ZFHX3: variants seen among roughly 807,000 people sequenced by gnomAD.
ZFHX3 encodes the protein zinc finger homeobox protein 3.
Under a neutral mutation model 279.1 loss-of-function variants are expected in ZFHX3, and 42 were observed. The observed-to-expected ratio is 0.15, with a 90% CI of 0.12 to 0.19. The LOEUF (loss-of-function observed/expected upper bound fraction) is 0.19, where lower values mean the gene tolerates loss of function less well. Ranked by LOEUF, ZFHX3 falls within the 10% of genes least tolerant of loss-of-function variation. ZFHX3 has a pLI of 1.00. For synonymous variants in ZFHX3, 2,293 were observed against 1,957.8 expected (o/e 1.17, Z -4.52); for missense variants, 4,981 against 4,754.0 (o/e 1.05, Z -1.40).
At chr16:72,843,153 G>C (rs1408905828) in intron 4 of ZFHX3, among the ~76,000 whole-genome samples, 4 of 152,082 alleles carry the variant, frequency 2.6e-5, no homozygotes, top group African/African-American at 9.7e-5. Flanking sequence ...TGGGGGAGCT[G>C]ACCACAAGTA....
intron 1 of ZFHX3, among the ~76,000 whole-genome samples, chr16:73,008,768 G>A (rs1963805305): frequency 6.6e-6 from 1 of 152,160 alleles, no homozygotes; most frequent in Non-Finnish European, 1.5e-5. Context: ...ATGAAATTTA[G>A]AGATGGCTTC....
At chr16:73,786,890 T>C (rs571477083) in intron 1 of ZFHX3, among the ~76,000 whole-genome samples, 55 of 152,332 alleles carry the variant, frequency 3.6e-4, no homozygotes, top group African/African-American at 1.2e-3. Context: ...GAGCCTCCAA[T>C]AGCTGAGGTT....
intron 4 of ZFHX3, among the ~76,000 whole-genome samples, chr16:72,879,614 T>C (rs6499592): frequency 0.97 from 148,138 of 152,188 alleles, 72,473 homozygotes; most frequent in Middle Eastern, 1. Flanking sequence ...TTAGTAGAGG[T>C]GGGGTTTCAT....
At chr16:73,168,944 C>G (rs572340267) in intron 5 of ZFHX3, among the ~76,000 whole-genome samples, 54 of 152,332 alleles carry the variant, frequency 3.5e-4, no homozygotes, top group African/African-American at 1.3e-3. Flanking sequence ...TCTGAAAATG[C>G]ATTTTCTCCC....
At chr16:72,896,072 G>A (rs2038892262) in intron 3 of ZFHX3, among the ~76,000 whole-genome samples, 1 of 152,174 alleles carries the variant, frequency 6.6e-6, no homozygotes. Flanking sequence ...ATAAATGGGA[G>A]CAGAAAAAGA....
At chr16:73,309,403 A>C (rs925197782) in intron 4 of ZFHX3, among the ~76,000 whole-genome samples, 7 of 152,208 alleles carry the variant, frequency 4.6e-5, no homozygotes, top group African/African-American at 1.7e-4. Context: ...TGCAAAGGCC[A>C]TAATCTCATT....
At chr16:72,956,551 A>G (rs528988237) in intron 2 of ZFHX3, among the ~76,000 whole-genome samples, 42 of 152,246 alleles carry the variant, frequency 2.8e-4, no homozygotes, top group African/African-American at 8.4e-4. Flanking sequence ...CCCAAATCCT[A>G]CACTCTTGGT....
intron 2 of ZFHX3, among the ~76,000 whole-genome samples, chr16:73,663,083 A>G (rs1229811101): frequency 1.3e-5 from 2 of 152,246 alleles, no homozygotes; most frequent in East Asian, 3.8e-4. Flanking sequence ...AAAATAAAAA[A>G]GAAAAGAGGT....
intron 4 of ZFHX3, among the ~76,000 whole-genome samples, chr16:73,271,050 C>T (rs1314130602): frequency 1.3e-5 from 2 of 152,110 alleles, no homozygotes; most frequent in South Asian, 2.1e-4. Flanking sequence ...TGGATCTGCC[C>T]CTGCTGGATG....
At chr16:73,051,403 G>A (rs1965447697), upstream of ZFHX3, among the ~76,000 whole-genome samples, 1 of 152,152 alleles carries the variant, frequency 6.6e-6, no homozygotes, top group African/African-American at 2.4e-5. Context: ...CCTGGGTATG[G>A]AACAGAATGC....
At chr16:73,421,017 G>A (rs921376716) in intron 3 of ZFHX3, 9 of 152,160 alleles carry the variant, frequency 5.9e-5, no homozygotes, top group Non-Finnish European at 1.0e-4. Flanking sequence ...GAACAAGCTT[G>A]TGTGTGATAT....
chr16:72,784,546 TA>T lies in ZFHX3; in HGVS notation c.*2617del, dbSNP rs2143217564. On this transcript the variant is annotated 3_prime_UTR_variant, in exon 10 of 10. Coordinates refer to ENST00000268489, the MANE Select transcript of ZFHX3 (RefSeq NM_006885.4). ...CATACAACAGTTAAATGGCAAAAAATATATATATATATATTTCATAGAGTTA... is the reference window on the plus strand; with the variant it reads ...CATACAACAGTTAAATGGCAAAAAATTATATATATATATTTCATAGAGTTA... 6.7e-6 allele frequency: 1 copy of T among 150,080 alleles called. No individual in the cohort carries two copies. Among genetic ancestry groups the T allele is most frequent in the East Asian group, 1.9e-4 (1 of 5,164 alleles). 9.3% of individuals were successfully genotyped at this position (150,080 alleles called of 1,614,324 possible). A position where few individuals can be genotyped will look rare whatever the true frequency, so the allele number is the denominator to read the frequency against.
chr16:73,491,892 G>T (rs1041917504), intron 2 of ZFHX3, among the ~76,000 whole-genome samples: 2 of 152,116 alleles, frequency 1.3e-5, no homozygotes, highest in African/African-American at 4.8e-5. Context: ...GGCCCAAATT[G>T]TCAATGTTGG....
chr16:72,968,724 A>G (rs1169632530), intron 1 of ZFHX3, among the ~76,000 whole-genome samples: 1 of 152,138 alleles, frequency 6.6e-6, no homozygotes, highest in Non-Finnish European at 1.5e-5. Flanking sequence ...CAGCCTGTCA[A>G]AGTGCTGAGA....
At chr16:73,215,880 T>C (rs1404073571) in intron 5 of ZFHX3, among the ~76,000 whole-genome samples, 1 of 151,878 alleles carries the variant, frequency 6.6e-6, no homozygotes, top group African/African-American at 2.4e-5. Flanking sequence ...TGCATGGACG[T>C]GTGTGTGTGT....
At chr16:72,884,558 C>T (rs61365747) in intron 4 of ZFHX3, among the ~76,000 whole-genome samples, 5,065 of 152,086 alleles carry the variant, frequency 0.033, 269 homozygotes, top group African/African-American at 0.11. Flanking sequence ...TAATTACATG[C>T]ATGTAAAATT....
At chr16:73,859,578 T>C (rs1274349216) in intron 1 of ZFHX3, among the ~76,000 whole-genome samples, 1 of 152,180 alleles carries the variant, frequency 6.6e-6, no homozygotes, top group Non-Finnish European at 1.5e-5. Flanking sequence ...CCAGCCTTGC[T>C]CTGGAATTTG....
chr16:73,669,662 C>A lies in ZFHX3; in HGVS notation c.-1547+10518G>T, dbSNP rs1478482139. 2.6e-5 allele frequency among the ~76,000 whole-genome samples: 4 copies of A among 152,238 alleles called. No homozygotes were observed. The East Asian group carries it at 7.7e-4, about 29-fold the overall frequency. On this transcript the variant is annotated intron_variant, in intron 2 of 17. Coordinates refer to the ZFHX3 transcript ENST00000641206. ...GGAGGCCATGAAAGTGAAGAACACT[C>A]TTTATAGAGGCTTTGCCTGCTTTTT...
chr16:73,612,291 G>A (rs2052254925), intron 2 of ZFHX3, among the ~76,000 whole-genome samples: 3 of 152,192 alleles, frequency 2.0e-5, no homozygotes, highest in Admixed American at 1.3e-4. Context: ...CTATTGCACT[G>A]AAACCTCATG....
Sources: gnomAD v4.1 joint callset for allele counts (sites outside exome capture counted in the v4.1 genomes callset) on GRCh38, gnomAD v4.1.1 for gene constraint, MANE v1.5 for transcripts, NCBI Gene and HGNC (gene_info 2026-07-23, HGNC 2026-07-21) for gene names.